ATP2C2: variants seen among roughly 807,000 people sequenced by gnomAD.
ATP2C2 encodes ATPase secretory pathway Ca2+ transporting 2.
Under a neutral mutation model 110.8 loss-of-function variants are expected in ATP2C2, and 171 were observed. The observed-to-expected ratio is 1.54, with a 90% CI of 1.36 to 1.75. The LOEUF (loss-of-function observed/expected upper bound fraction) is 1.75, where lower values mean the gene tolerates loss of function less well. Ranked by LOEUF, ATP2C2 falls within the 40% of genes most tolerant of loss-of-function variation. The probability of loss-of-function intolerance (pLI) is 0.00; values close to 1 mark genes in which losing one functional copy is unlikely to be tolerated. For synonymous variants in ATP2C2, 804 were observed against 508.4 expected (o/e 1.58, Z -7.82); for missense variants, 1,963 against 1,235.0 (o/e 1.59, Z -8.84).
In ATP2C2 at chr16:84,452,069, C is replaced by G. The variant is rs767262085; in HGVS notation, c.1809C>G (p.Ala603=). Residue 603 remains alanine (A), a synonymous_variant, in exon 18 of 27, where the codon GCC becomes GCG. Transcript: ENST00000262429. ...CTGTGAAGATGATAACGGGGGATGC[C>G]CTGGAGACGGCCTTGGCCATAGGTA... The part of the protein sequence containing the change: ...GVSVKMITGD[A]LETALAIGRN... 6.2e-7 allele frequency: 1 copy of G among 1,613,602 alleles called. No individual in the cohort carries two copies. Among genetic ancestry groups the G allele is most frequent in the African/African-American group, 1.3e-5 (1 of 74,756 alleles).
chr16:84,415,042 T>G (rs917537907), intron 6 of ATP2C2, among the ~76,000 whole-genome samples: 2 of 152,088 alleles, frequency 1.3e-5, no homozygotes, highest in Non-Finnish European at 2.9e-5. Context: ...CAGCTGGTCA[T>G]GGCCCTGCGG....
At chr16:84,447,983 G>A (rs8062339) in intron 16 of ATP2C2, among the ~76,000 whole-genome samples, 15,772 of 151,830 alleles carry the variant, frequency 0.1, 993 homozygotes, top group Non-Finnish European at 0.14. Context: ...GAGGCTAGGG[G>A]TACAGTGTGA....
intron 1 of ATP2C2, among the ~76,000 whole-genome samples, chr16:84,383,846 G>A (rs932670892): frequency 1.6e-4 from 22 of 139,894 alleles, no homozygotes; most frequent in African/African-American, 5.8e-4. Context: ...GCTGAGAGCA[G>A]TAGCGCAATC....
At chr16:84,392,523 C>G (rs1306176190) in intron 1 of ATP2C2, among the ~76,000 whole-genome samples, 1 of 152,084 alleles carries the variant, frequency 6.6e-6, no homozygotes, top group African/African-American at 2.4e-5. Context: ...AGTGCAGTGG[C>G]GTGATCTCAG....
At chr16:84,422,098 T>C (rs1182191611) in intron 7 of ATP2C2, among the ~76,000 whole-genome samples, 1 of 152,222 alleles carries the variant, frequency 6.6e-6, no homozygotes, top group African/African-American at 2.4e-5. Flanking sequence ...CACAGGTGTT[T>C]TGAAAGGTAT....
intron 11 of ATP2C2, among the ~76,000 whole-genome samples, chr16:84,433,255 C>T (rs73245947): frequency 0.02 from 2,995 of 152,024 alleles, 119 homozygotes; most frequent in African/African-American, 0.069. Context: ...TGGTGGTGCA[C>T]GCTTGTAGCC....
chr16:84,429,813 G>T (rs1420859035), intron 11 of ATP2C2, among the ~76,000 whole-genome samples: 1 of 152,132 alleles, frequency 6.6e-6, no homozygotes, highest in Non-Finnish European at 1.5e-5. Context: ...ACAGGCTGCA[G>T]GGCTGGAAAC....
chr16:84,369,504 C>CTT (rs1242209653), intron 1 of ATP2C2, among the ~76,000 whole-genome samples: 4 of 146,860 alleles, frequency 2.7e-5, no homozygotes. Flanking sequence ...GGTCGTTGCA[C>CTT]TTTTTTTTTT....
chr16:84,375,697 T>G (rs1910212360), intron 1 of ATP2C2, among the ~76,000 whole-genome samples: 2 of 152,254 alleles, frequency 1.3e-5, no homozygotes, highest in East Asian at 3.8e-4. Flanking sequence ...TCGTAATTTC[T>G]TTTGGAAAAA....
intron 21 of ATP2C2, 63 bp downstream of exon 21, chr16:84,455,047 G>T: frequency 7.1e-7 from 1 of 1,400,512 alleles, no homozygotes; most frequent in Non-Finnish European, 9.8e-7. Flanking sequence ...GCTTCTCCCT[G>T]GAACCTGCTA....
chr16:84,446,572 A>T, intron 16 of ATP2C2, 142 bp downstream of exon 16: 1 of 520,576 alleles, frequency 1.9e-6, no homozygotes, highest in Non-Finnish European at 3.3e-6. Flanking sequence ...AAACTTAATC[A>T]CCATCATACC....
At chr16:84,443,608 C>T (rs1296061007) in intron 15 of ATP2C2, among the ~76,000 whole-genome samples, 8 of 152,206 alleles carry the variant, frequency 5.3e-5, no homozygotes, top group Non-Finnish European at 1.2e-4. Context: ...TCTTCAAGTT[C>T]ACTCCAGTTT....
At chr16:84,432,560 G>C (rs892625227) in intron 11 of ATP2C2, among the ~76,000 whole-genome samples, 1 of 151,926 alleles carries the variant, frequency 6.6e-6, no homozygotes, top group Non-Finnish European at 1.5e-5. Flanking sequence ...GTCTTGCTCT[G>C]TCCAGGCTGG....
chr16:84,454,667 C>T (rs1910621274), intron 20 of ATP2C2, 151 bp from the exon 21 acceptor site: 2 of 790,618 alleles, frequency 2.5e-6, no homozygotes, highest in Non-Finnish European at 3.8e-6. Flanking sequence ...AGGGCTCGCC[C>T]AATTCCCACA....
At chr16:84,454,676 C>A in intron 20 of ATP2C2, 142 bp from the exon 21 acceptor site, 3 of 857,694 alleles carry the variant, frequency 3.5e-6, no homozygotes, top group Non-Finnish European at 5.1e-6. Context: ...CCAATTCCCA[C>A]AGCTAATGTG....
At chr16:84,381,422 C>G (rs562516323) in intron 1 of ATP2C2, among the ~76,000 whole-genome samples, 1 of 152,030 alleles carries the variant, frequency 6.6e-6, no homozygotes, top group African/African-American at 2.4e-5. Context: ...ACTAAAAATA[C>G]AAAAATTAGC....
In ATP2C2 at chr16:84,440,900, TA is replaced by T; in HGVS notation, c.1254del (p.Pro419HisfsTer17). 1 of 1,613,720 alleles carries T rather than the reference TA, an allele frequency of 6.2e-7. No individual in the cohort carries two copies. ...GYDGQGTVCL[L>X]PSKEVIKEFS... ...GACGGTCAAGGGACTGTGTGTCTTC[TA>T]CCATCCAAGGAAGTCATTAAGGAAT... On this transcript the variant is annotated frameshift_variant, in exon 14 of 27. Coordinates refer to ENST00000262429, the MANE Select transcript of ATP2C2 (RefSeq NM_014861.4). LOFTEE classifies it high-confidence loss of function.
chr16:84,430,976 T>C (rs552035181), intron 11 of ATP2C2, among the ~76,000 whole-genome samples: 2 of 152,120 alleles, frequency 1.3e-5, no homozygotes, highest in African/African-American at 4.8e-5. Context: ...TTGGCGGCCA[T>C]TGGCAATGGG....
chr16:84,458,495 T>TAA (rs10534660), intron 21 of ATP2C2, among the ~76,000 whole-genome samples: 2 of 141,920 alleles, frequency 1.4e-5, no homozygotes, highest in African/African-American at 5.3e-5. Context: ...TAGAGTATAA[T>TAA]AAAAAAAAAA....
Sources: gnomAD v4.1 joint callset for allele counts (sites outside exome capture counted in the v4.1 genomes callset) on GRCh38, gnomAD v4.1.1 for gene constraint, MANE v1.5 for transcripts, NCBI Gene and HGNC (gene_info 2026-07-23, HGNC 2026-07-21) for gene names.